ANKS1B: variants seen among roughly 807,000 people sequenced by gnomAD.
The protein encoded by ANKS1B is ankyrin repeat and sterile alpha motif domain-containing protein 1B.
In ANKS1B, 36 loss-of-function variants were observed where a neutral mutation model predicts 148.3. That is an observed-to-expected ratio of 0.24 (90% CI 0.19 to 0.32). The LOEUF (loss-of-function observed/expected upper bound fraction) is 0.32, where lower values mean the gene tolerates loss of function less well. ANKS1B is among the 10% of genes least tolerant of loss of function. The pLI, the probability that ANKS1B is intolerant of heterozygous loss-of-function variation, is 1.00. For missense variants in ANKS1B, 1,157 were observed against 1,542.6 expected (o/e 0.75, Z 4.19); for synonymous variants, 542 against 560.8 (o/e 0.97, Z 0.47).
chr12:99,628,144 C>G (rs911354497), intron 9 of ANKS1B, among the ~76,000 whole-genome samples: 3 of 152,222 alleles, frequency 2.0e-5, no homozygotes, highest in Non-Finnish European at 4.4e-5. Context: ...TGTTACTACA[C>G]TGAATACTGT....
rs1200589004 is a variant in ANKS1B at position 99,824,393 on chromosome 12, A to G, written c.215+916T>C. ...TGGGCATCTGTAATCCTAGCTACTC[A>G]GGAGGCAGAGGCAGGAGAATAACTT... On this transcript the variant is annotated intron_variant, in intron 2 of 26. Transcript: ENST00000683438. Among the ~76,000 whole-genome samples, 3 of 152,020 alleles carry G rather than the reference A, an allele frequency of 2.0e-5. No individual in the cohort carries two copies. In the East Asian group the frequency reaches 5.8e-4, roughly 29 times the overall value.
At chr12:99,134,451 G>C (rs894799857) in intron 15 of ANKS1B, among the ~76,000 whole-genome samples, 5 of 152,120 alleles carry the variant, frequency 3.3e-5, no homozygotes, top group Non-Finnish European at 5.9e-5. Context: ...CAGAACCTCG[G>C]AAGTTTCAGT....
chr12:99,010,441 TACTC>T (rs1459123020), intron 17 of ANKS1B, among the ~76,000 whole-genome samples: 2 of 152,208 alleles, frequency 1.3e-5, no homozygotes, highest in Non-Finnish European at 2.9e-5. Flanking sequence ...AACCCTTACT[TACTC>T]CTAGGAACCA....
At chr12:98,778,027 TG>T (rs1381417610) in intron 24 of ANKS1B, among the ~76,000 whole-genome samples, 11 of 152,214 alleles carry the variant, frequency 7.2e-5, no homozygotes, top group African/African-American at 1.4e-4. Flanking sequence ...CAACAGGCTG[TG>T]TGACTGCAGG....
chr12:99,507,214 A>C (rs1214467197), intron 9 of ANKS1B, among the ~76,000 whole-genome samples: 1 of 151,974 alleles, frequency 6.6e-6, no homozygotes, highest in Non-Finnish European at 1.5e-5. Context: ...TTCTATGGAA[A>C]AAAAGAGTCT....
chr12:99,666,888 GTGTGTGT>G (rs1567601386), intron 8 of ANKS1B, among the ~76,000 whole-genome samples: 11 of 145,718 alleles, frequency 7.5e-5, no homozygotes, highest in Admixed American at 4.1e-4. Flanking sequence ...GTGTGTGTGT[GTGTGTGT>G]GGTGAGGACA....
intron 17 of ANKS1B, among the ~76,000 whole-genome samples, chr12:98,972,449 A>G (rs10160949): frequency 0.18 from 27,370 of 152,134 alleles, 2,818 homozygotes; most frequent in Non-Finnish European, 0.22. Flanking sequence ...CTCTCTTAAC[A>G]CCATGGTAAG....
At chr12:99,248,247 C>T (rs2074121733) in intron 12 of ANKS1B, among the ~76,000 whole-genome samples, 1 of 152,128 alleles carries the variant, frequency 6.6e-6, no homozygotes, top group South Asian at 2.1e-4. Flanking sequence ...TGAAGATTGG[C>T]CCCAGGTGTC....
At chr12:98,933,253 C>A (rs959379423) in intron 17 of ANKS1B, among the ~76,000 whole-genome samples, 15 of 152,158 alleles carry the variant, frequency 9.9e-5, no homozygotes, top group African/African-American at 3.6e-4. Flanking sequence ...TGAATTTCTG[C>A]GACTAACTTA....
At chr12:99,637,136 T>A (rs553811918) in intron 9 of ANKS1B, among the ~76,000 whole-genome samples, 1 of 152,128 alleles carries the variant, frequency 6.6e-6, no homozygotes, top group South Asian at 2.1e-4. Flanking sequence ...TGAAACCCTG[T>A]CTCTACTAAA....
intron 8 of ANKS1B, among the ~76,000 whole-genome samples, chr12:99,656,206 G>A (rs963779893): frequency 1.3e-5 from 2 of 152,108 alleles, no homozygotes; most frequent in East Asian, 1.9e-4. Context: ...AACCTACCCC[G>A]TGCCTTACCA....
At chr12:99,665,121 T>C (rs959731297) in intron 8 of ANKS1B, among the ~76,000 whole-genome samples, 3 of 152,166 alleles carry the variant, frequency 2.0e-5, no homozygotes, top group Non-Finnish European at 4.4e-5. Context: ...AGTTTTTGTT[T>C]CTCTTGGGTA....
intron 12 of ANKS1B, among the ~76,000 whole-genome samples, chr12:99,359,126 T>G (rs920345759): frequency 1.3e-5 from 2 of 152,178 alleles, no homozygotes; most frequent in Non-Finnish European, 2.9e-5. Context: ...CATCCATTTA[T>G]TCATTCAAGT....
intron 8 of ANKS1B, among the ~76,000 whole-genome samples, chr12:99,738,703 T>C (rs1374456074): frequency 6.6e-6 from 1 of 152,196 alleles, no homozygotes; most frequent in Admixed American, 6.5e-5. Context: ...TGAAGAACTT[T>C]TGTAAGTTTA....
intron 19 of ANKS1B, among the ~76,000 whole-genome samples, chr12:98,821,163 T>C (rs1480237774): frequency 6.6e-6 from 1 of 152,160 alleles, no homozygotes; most frequent in Non-Finnish European, 1.5e-5. Flanking sequence ...GAAATAGACA[T>C]CAGAGATGGG....
At chr12:98,935,138 T>C (rs754047530) in intron 17 of ANKS1B, among the ~76,000 whole-genome samples, 2 of 152,164 alleles carry the variant, frequency 1.3e-5, no homozygotes, top group Non-Finnish European at 2.9e-5. Context: ...AATTATAATA[T>C]GTTGAAGTAA....
At chr12:98,869,762 T>C (rs539009665) in intron 17 of ANKS1B, among the ~76,000 whole-genome samples, 1 of 152,172 alleles carries the variant, frequency 6.6e-6, no homozygotes, top group African/African-American at 2.4e-5. Context: ...TTTAGCCATG[T>C]AGACAAGGTA....
intron 15 of ANKS1B, among the ~76,000 whole-genome samples, chr12:99,109,964 C>T (rs1479325733): frequency 6.6e-6 from 1 of 152,112 alleles, no homozygotes; most frequent in East Asian, 1.9e-4. Context: ...TCAACATAGG[C>T]CCAGAGAAGG....
chr12:99,658,921 T>C (rs1259449169), intron 8 of ANKS1B, among the ~76,000 whole-genome samples: 2 of 152,334 alleles, frequency 1.3e-5, no homozygotes, highest in East Asian at 3.9e-4. Flanking sequence ...CTTATTCACA[T>C]TGTATCTCCT....
Sources: allele counts gnomAD v4.1 joint callset (sites outside exome capture counted in the v4.1 genomes callset), GRCh38; gene constraint gnomAD v4.1.1; transcripts MANE v1.5; gene names NCBI Gene and HGNC (gene_info 2026-07-23, HGNC 2026-07-21).